The following KAZN variants were observed in gnomAD, a reference collection of about 807,000 sequenced individuals.
KAZN encodes the protein kazrin, periplakin interacting protein.
KAZN carries 40 observed loss-of-function variants against 87.4 expected under a neutral mutation model. That is an observed-to-expected ratio of 0.46 (90% CI 0.36 to 0.60). The LOEUF (loss-of-function observed/expected upper bound fraction) is 0.60. Among genes scored for constraint, KAZN ranks in the 20% least tolerant of loss-of-function variants. The pLI, the probability that KAZN is intolerant of heterozygous loss-of-function variation, is 0.00. For missense variants in KAZN, 898 were observed against 1,073.9 expected (o/e 0.84, Z 2.29); for synonymous variants, 466 against 458.3 (o/e 1.02, Z -0.22).
chr1:14,042,768 G>A (rs7545944), intron 1 of KAZN, among the ~76,000 whole-genome samples: 93,764 of 151,982 alleles, frequency 0.62, 30,293 homozygotes, highest in African/African-American at 0.8. Context: ...CCTTTGTATA[G>A]TAAAGTAAAA....
chr1:14,851,283 C>T (rs1050540512), intron 1 of KAZN, among the ~76,000 whole-genome samples: 4 of 152,306 alleles, frequency 2.6e-5, no homozygotes, highest in South Asian at 2.1e-4. Context: ...CTGCCCAAGA[C>T]GCCGGCTGAT....
chr1:14,323,207 C>A (rs1362123122), intron 2 of KAZN, among the ~76,000 whole-genome samples: 2 of 152,030 alleles, frequency 1.3e-5, no homozygotes, highest in African/African-American at 4.8e-5. Context: ...AACCATATCA[C>A]CACACTAGCT....
intron 1 of KAZN, among the ~76,000 whole-genome samples, chr1:14,707,870 A>G (rs1404153958): frequency 6.6e-6 from 1 of 152,224 alleles, no homozygotes; most frequent in Non-Finnish European, 1.5e-5. Context: ...AGCGTTTACC[A>G]ATGCTACATG....
intron 3 of KAZN, among the ~76,000 whole-genome samples, chr1:15,040,684 T>G (rs1168598367): frequency 6.6e-6 from 1 of 151,954 alleles, no homozygotes; most frequent in African/African-American, 2.4e-5. Flanking sequence ...GAGAATTGCT[T>G]GGACCCGGGA....
chr1:14,361,698 A>T (rs544804828), intron 2 of KAZN, among the ~76,000 whole-genome samples: 59 of 152,328 alleles, frequency 3.9e-4, no homozygotes, highest in Non-Finnish European at 6.2e-4. Flanking sequence ...GCTTCTGTTC[A>T]TCCTCTGTGG....
At chr1:14,690,389 G>A (rs1026275640) in intron 1 of KAZN, among the ~76,000 whole-genome samples, 1 of 152,146 alleles carries the variant, frequency 6.6e-6, no homozygotes, top group African/African-American at 2.4e-5. Flanking sequence ...GGGAGAGAGA[G>A]GATTCACCAC....
intron 1 of KAZN, among the ~76,000 whole-genome samples, chr1:14,836,453 G>T (rs1287327756): frequency 6.6e-6 from 1 of 152,192 alleles, no homozygotes; most frequent in Non-Finnish European, 1.5e-5. Flanking sequence ...GCAAGTGGGA[G>T]CCACCAGATG....
chr1:14,417,182 TAAAAAAAA>T (rs59936555), intron 2 of KAZN, among the ~76,000 whole-genome samples: 1 of 133,254 alleles, frequency 7.5e-6, no homozygotes, highest in Non-Finnish European at 1.6e-5. Flanking sequence ...TGTCTCAAAA[TAAAAAAAA>T]AAAAAGGAAA....
At chr1:14,946,259 T>A (rs1267556743) in intron 1 of KAZN, 2 of 151,782 alleles carry the variant, frequency 1.3e-5, no homozygotes, top group Admixed American at 1.3e-4. Flanking sequence ...TGGGAGACAG[T>A]GAGTCCCCAG....
In KAZN at chr1:14,133,451, C is replaced by G. The variant is rs149479519; in HGVS notation, c.92-46984C>G. ...AAAGAAAGAAAGAAAATAGGGGAAT[C>G]TATGTGTAACTCTCAGTTAGCCAGA... is the stretch of plus-strand genomic sequence containing the variant. On this transcript the variant is annotated intron_variant, in intron 1 of 16. Coordinates refer to the KAZN transcript ENST00000636203. Among the ~76,000 whole-genome samples, 6 of 149,016 alleles carry G rather than the reference C, an allele frequency of 4.0e-5. No homozygotes were observed. In the East Asian group the frequency reaches 7.9e-4, roughly 20 times the overall value.
chr1:14,665,126 CT>C (rs1030328899), intron 1 of KAZN, among the ~76,000 whole-genome samples: 1 of 152,172 alleles, frequency 6.6e-6, no homozygotes, highest in Admixed American at 6.5e-5. Flanking sequence ...AAAGATGGTC[CT>C]TTCCACTTAG....
At chr1:14,688,668 AAAG>A (rs376662247) in intron 1 of KAZN, among the ~76,000 whole-genome samples, 2 of 152,358 alleles carry the variant, frequency 1.3e-5, no homozygotes, top group East Asian at 3.9e-4. Context: ...AGTCTTAGCA[AAAG>A]AAGAAAGCTC....
intron 1 of KAZN, among the ~76,000 whole-genome samples, chr1:14,808,101 C>A (rs908401020): frequency 6.6e-6 from 1 of 152,066 alleles, no homozygotes; most frequent in Non-Finnish European, 1.5e-5. Context: ...AGAGTTGGCT[C>A]CAAGTGCCAG....
chr1:14,270,251 C>T (rs754382846), intron 2 of KAZN, among the ~76,000 whole-genome samples: 6 of 152,048 alleles, frequency 3.9e-5, no homozygotes, highest in Admixed American at 1.3e-4. Context: ...CTTGGATCTA[C>T]GGCAGTGGGG....
intron 1 of KAZN, chr1:14,692,338 T>G: frequency 1.2e-5 from 5 of 414,844 alleles, no homozygotes; most frequent in Non-Finnish European, 2.1e-5. Flanking sequence ...GCTCTCATTT[T>G]TTCGATCTTT....
At chr1:14,544,429 CT>C (rs1263885476) in intron 2 of KAZN, among the ~76,000 whole-genome samples, 2 of 131,702 alleles carry the variant, frequency 1.5e-5, no homozygotes, top group Non-Finnish European at 3.1e-5. Flanking sequence ...TCCCAAATGA[CT>C]AAGAATATGG....
At chr1:14,442,149 C>T (rs914162945) in intron 2 of KAZN, among the ~76,000 whole-genome samples, 2 of 152,228 alleles carry the variant, frequency 1.3e-5, no homozygotes, top group African/African-American at 4.8e-5. Context: ...CTGCCCACCT[C>T]ACAGAGTTGC....
chr1:14,610,205 TG>T (rs57241619), intron 1 of KAZN, among the ~76,000 whole-genome samples: 3,310 of 152,168 alleles, frequency 0.022, 133 homozygotes, highest in African/African-American at 0.076. Flanking sequence ...TTTGTTTGTT[TG>T]TTTGTTTGTT....
intron 2 of KAZN, among the ~76,000 whole-genome samples, chr1:14,381,763 A>G (rs1017300353): frequency 1.3e-5 from 2 of 152,228 alleles, no homozygotes; most frequent in African/African-American, 4.8e-5. Context: ...TAAGATCAGG[A>G]ACACAACAAG....
Sources: allele counts gnomAD v4.1 joint callset (sites outside exome capture counted in the v4.1 genomes callset), GRCh38; gene constraint gnomAD v4.1.1; transcripts MANE v1.5; gene names NCBI Gene and HGNC (gene_info 2026-07-23, HGNC 2026-07-21).